GNMT: variants seen among roughly 807,000 people sequenced by gnomAD.
GNMT encodes the protein epididymis secretory sperm binding protein Li 182mP.
Under a neutral mutation model 30.2 loss-of-function variants are expected in GNMT, and 26 were observed. The observed-to-expected ratio is 0.86, with a 90% CI of 0.63 to 1.19. The LOEUF is 1.19. Among genes scored for constraint, GNMT ranks in the 50% most tolerant of loss-of-function variants. The probability of loss-of-function intolerance (pLI) is 0.00; values close to 1 mark genes in which losing one functional copy is unlikely to be tolerated. For synonymous variants in GNMT, 163 were observed against 163.8 expected (o/e 1.00, Z 0.04); for missense variants, 365 against 398.1 (o/e 0.92, Z 0.71).
intron 2 of GNMT, 35 bp downstream of exon 2, chr6:42,962,374 C>T (rs1449374711): frequency 6.2e-7 from 1 of 1,611,684 alleles, no homozygotes; most frequent in Non-Finnish European, 8.5e-7. Context: ...CCAGCCCAGT[C>T]ACCAGGAACA....
intron 1 of GNMT, 57 bp downstream of exon 1, chr6:42,961,030 T>C: frequency 7.3e-7 from 1 of 1,377,074 alleles, no homozygotes; most frequent in Non-Finnish European, 9.8e-7. Context: ...TCTCAGCCTG[T>C]ACTGCGCGGC....
At chr6:42,961,884 T>C (rs1034321263) in intron 1 of GNMT, among the ~76,000 whole-genome samples, 1 of 152,168 alleles carries the variant, frequency 6.6e-6, no homozygotes, top group Non-Finnish European at 1.5e-5. Context: ...CATGTTCTAC[T>C]GCCTTTTGTG....
intron 1 of GNMT, among the ~76,000 whole-genome samples, chr6:42,961,445 G>A (rs1193567370): frequency 2.0e-5 from 3 of 152,022 alleles, no homozygotes; most frequent in Non-Finnish European, 4.4e-5. Context: ...ATTTACTACT[G>A]GGGAAGTAAG....
rs758121236 is a variant in GNMT, at chr6:42,962,301, G to T, written c.296G>T (p.Arg99Leu). Residue 99 changes from arginine (R) to leucine (L), a missense_variant, in exon 2 of 6, where the codon CGC (arginine) becomes CTC (leucine). Coordinates refer to ENST00000372808, the MANE Select transcript of GNMT (RefSeq NM_018960.6). The stretch of plus-strand genomic sequence containing the variant: ...ATGCTGAAGTATGCACTTAAGGAGC[G>T]CTGGAACCGGCGGCACGAGCCCGCC... ...DKMLKYALKERWNRRHEPAFD... is the reference protein window; with the variant it reads ...DKMLKYALKELWNRRHEPAFD... 2.5e-6 allele frequency: 4 copies of T among 1,614,006 alleles called. No individual in the cohort carries two copies. Among genetic ancestry groups the T allele is most frequent in the Non-Finnish European group, 3.4e-6 (4 of 1,180,032 alleles).
Position 42,960,954 on chromosome 6 carries a change from G to C in GNMT, c.187G>C (p.Asp63His). ...CCAGCACGGCTGCCAGCGGGTGCTC[G>C]ACGTAGCCTGTGGCACTGGGTGAGC... ...LRQHGCQRVL[D>H]VACGTGVDSI... The change falls in exon 1 of 6, where the codon GAC (aspartate) becomes CAC (histidine). Residue 63 changes from aspartate to histidine, a missense_variant. Coordinates refer to ENST00000372808, the MANE Select transcript of GNMT (RefSeq NM_018960.6). 6.4e-7 allele frequency: 1 copy of C among 1,561,446 alleles called. No individual in the cohort carries two copies. Among genetic ancestry groups the C allele is most frequent in the Non-Finnish European group, 8.6e-7 (1 of 1,159,600 alleles).
intron 1 of GNMT, 103 bp from the exon 2 acceptor site, chr6:42,962,109 C>T (rs914394384): frequency 2.3e-6 from 3 of 1,322,276 alleles, no homozygotes; most frequent in Non-Finnish European, 3.3e-6. Flanking sequence ...GAGGAACGGA[C>T]TCTGAGAAGT....
chr6:42,962,189 C>G (rs1017066928), intron 1 of GNMT, 23 bp from the exon 2 acceptor site: 2 of 1,613,984 alleles, frequency 1.2e-6, no homozygotes, highest in Admixed American at 3.3e-5. Flanking sequence ...CTCTCTCTGC[C>G]TCTCCTCGCT....
At chr6:42,962,445 C>G (rs574896156) in intron 2 of GNMT, 106 bp downstream of exon 2, 4 of 1,225,622 alleles carry the variant, frequency 3.3e-6, no homozygotes, top group Non-Finnish European at 4.7e-6. Flanking sequence ...GTGTTTTCCT[C>G]GGGGAGACAG....
At chr6:42,961,103 C>CCA in intron 1 of GNMT, 130 bp downstream of exon 1, 3 of 757,928 alleles carry the variant, frequency 4.0e-6, no homozygotes, top group Non-Finnish European at 6.1e-6. Flanking sequence ...GGGTGGGACA[C>CCA]CAGGGCCAGG....
rs764916813 is a variant in GNMT at position 42,962,343 on chromosome 6, T to G, written c.334+4T>G. 8.7e-6 allele frequency: 14 copies of G among 1,614,046 alleles called. No homozygotes were observed. The highest frequency in any genetic ancestry group is 2.2e-5 in the East Asian group (1 of 44,876). On this transcript the variant is annotated splice_donor_region_variant and intron_variant, in intron 2 of 5. Coordinates refer to ENST00000372808, the MANE Select transcript of GNMT (RefSeq NM_018960.6). ...GAGCCCGCCTTCGACAAGTGGGGTA[T>G]GCAGGTCTAGCCAGGCTCCCCCAGC... is the stretch of plus-strand genomic sequence containing the variant.
intron 1 of GNMT, among the ~76,000 whole-genome samples, chr6:42,961,796 G>A (rs567653269): frequency 1.6e-4 from 25 of 152,014 alleles, no homozygotes; most frequent in Non-Finnish European, 2.2e-4. Context: ...CTTGTGATCT[G>A]CCCACCTCGG....
rs755296389 is a variant in GNMT at position 42,963,318 on chromosome 6, C to T, written c.595-10C>T. ...ACAGAGGCTAATGCCGGCTGCCCCA[C>T]CACCTACAGAGTGACTTGACCAAGG... On this transcript the variant is annotated splice_polypyrimidine_tract_variant and intron_variant, in intron 4 of 5. Transcript: ENST00000372808. 4.4e-6 allele frequency: 7 copies of T among 1,606,610 alleles called. No homozygotes were observed. Among genetic ancestry groups the T allele is most frequent in the Admixed American group, 3.4e-5 (2 of 59,036 alleles).
At position 42,960,901 on chromosome 6, in the gene GNMT, A is replaced by T; in HGVS notation, c.134A>T (p.Tyr45Phe). ...IGDTRSRTAE[Y>F]KAWLLGLLRQ... ...GACACCCGCAGCCGCACCGCCGAGT[A>T]CAAGGCATGGCTGCTTGGGCTGCTG... Residue 45 changes from tyrosine to phenylalanine, a missense_variant, in exon 1 of 6, where the codon TAC becomes TTC. Physicochemically the swap from Tyr to Phe is conservative, Grantham distance 22 (BLOSUM62 3). This residue lies in a region of GNMT where 125 missense variants were observed against 112.0 expected (regional missense o/e 1.12). Coordinates refer to ENST00000372808, the MANE Select transcript of GNMT (RefSeq NM_018960.6). 1 of 1,560,918 alleles carries T rather than the reference A, an allele frequency of 6.4e-7. No homozygotes were observed.
At chr6:42,963,292 T>C in intron 4 of GNMT, 36 bp from the exon 5 acceptor site, 1 of 1,583,670 alleles carries the variant, frequency 6.3e-7, no homozygotes, top group Non-Finnish European at 8.6e-7. Context: ...CAAGGTGGGT[T>C]ACAGAGGCTA....
chr6:42,963,660 C>G lies in GNMT; in HGVS notation c.842C>G (p.Thr281Ser), dbSNP rs1490949592. The change falls in exon 6 of 6, where the codon ACC becomes AGC. Residue 281 changes from threonine to serine, a missense_variant. Thr to Ser is a moderately conservative substitution (Grantham distance 58, BLOSUM62 1). Around this residue, in one of 3 missense-constraint regions of GNMT, gnomAD observed 232 missense variants for 263.0 expected, o/e 0.88. Coordinates refer to ENST00000372808, the MANE Select transcript of GNMT (RefSeq NM_018960.6). ...GDFKPYKPGQ[T>S]YIPCYFIHVL... ...TTCAAGCCTTACAAGCCAGGCCAAA[C>G]CTACATTCCCTGCTACTTCATCCAC... 6.2e-7 allele frequency: 1 copy of G among 1,614,208 alleles called. No homozygotes were observed.
Position 42,962,856 on chromosome 6 carries a change from C to T in GNMT, c.429C>T (p.Phe143=), listed in dbSNP as rs181830984. The T allele has an allele frequency of 1.2e-5, 20 of 1,613,694 alleles. No homozygotes were observed. The African/African-American group carries it at 2.0e-4, about 16-fold the overall frequency. The change falls in exon 3 of 6, where the codon TTC becomes TTT. Residue 143 remains phenylalanine (F), a synonymous_variant. Coordinates refer to ENST00000372808, the MANE Select transcript of GNMT (RefSeq NM_018960.6). ...FDAVICLGNS[F]AHLPDCKGDQ... is the part of the protein sequence containing the mutation. ...CTGTCATCTGCCTTGGAAACAGTTT[C>T]GCTCACTTGCCAGACTGCAAAGGTA...
intron 1 of GNMT, among the ~76,000 whole-genome samples, chr6:42,961,237 A>G (rs1329414776): frequency 6.6e-6 from 1 of 152,174 alleles, no homozygotes; most frequent in East Asian, 1.9e-4. Context: ...TGTGGGCAGA[A>G]AAAGTGAGCG....
intron 4 of GNMT, 41 bp downstream of exon 4, chr6:42,963,255 T>TG: frequency 7.2e-6 from 1 of 139,332 alleles, no homozygotes; most frequent in Non-Finnish European, 1.3e-5. Flanking sequence ...GGGGTGGGGG[T>TG]GGGGTGGAGG....
intron 4 of GNMT, 37 bp downstream of exon 4, chr6:42,963,251 G>T (rs1399916763): frequency 3.3e-6 from 4 of 1,216,754 alleles, no homozygotes; most frequent in Non-Finnish European, 2.2e-6. Context: ...GGTGGGGGTG[G>T]GGGTGGGGTG....
Sources: gnomAD v4.1 joint callset for allele counts (sites outside exome capture counted in the v4.1 genomes callset) on GRCh38, gnomAD v4.1.1 for gene constraint, gnomAD v4.1.1 regional missense constraint, MANE v1.5 for transcripts, NCBI Gene and HGNC (gene_info 2026-07-23, HGNC 2026-07-21) for gene names.